TRPC5: variants seen among roughly 807,000 people sequenced by gnomAD.
The protein encoded by TRPC5 is short transient receptor potential channel 5.
In TRPC5, 9 loss-of-function variants were observed where a neutral mutation model predicts 56.5. The observed-to-expected ratio is 0.16, with a 90% CI of 0.10 to 0.28. TRPC5 has a LOEUF of 0.28. TRPC5 is among the 10% of genes least tolerant of loss of function. TRPC5 has a pLI of 1.00. For synonymous variants in TRPC5, 282 were observed against 278.5 expected, an observed-to-expected ratio of 1.01 and a Z score of -0.13; for missense variants, 469 against 748.9, an observed-to-expected ratio of 0.63 and a Z score of 4.36.
At chrX:111,810,537 G>A (rs183190843) in intron 7 of TRPC5, among the ~76,000 whole-genome samples, 1,364 of 110,855 alleles carry the variant, frequency 0.012, 13 homozygotes, top group Middle Eastern at 0.06. Flanking sequence ...ACACAACTCT[G>A]AGTTAAAAAA....
chrX:111,851,729 A>C (rs369134131), intron 5 of TRPC5, among the ~76,000 whole-genome samples: 66 of 111,411 alleles, frequency 5.9e-4, no homozygotes, highest in African/African-American at 1.5e-3. Flanking sequence ...AGAACAGTTG[A>C]GATAAATGGG....
At chrX:111,847,044 C>G (rs781173869) in intron 6 of TRPC5, 70 bp downstream of exon 6, 44 of 1,089,026 alleles carry the variant, frequency 4.0e-5, no homozygotes, top group Non-Finnish European at 5.2e-5. Context: ...GAAAACAGGA[C>G]AAAAATGGAG....
chrX:112,034,979 A>G (rs1929691026), intron 1 of TRPC5, among the ~76,000 whole-genome samples: 1 of 105,444 alleles, frequency 9.5e-6, no homozygotes, highest in African/African-American at 3.5e-5. Flanking sequence ...CTGATTAATC[A>G]TTATTAATTT....
chrX:111,866,377 C>T (rs377583544), intron 3 of TRPC5, among the ~76,000 whole-genome samples: 2 of 113,416 alleles, frequency 1.8e-5, no homozygotes, highest in East Asian at 2.8e-4. Context: ...TGATGGGGCC[C>T]GCCCCAGGCC....
chrX:112,031,704 G>A (rs1929591194), intron 1 of TRPC5, among the ~76,000 whole-genome samples: 1 of 108,704 alleles, frequency 9.2e-6, no homozygotes, highest in East Asian at 2.8e-4. Context: ...TATATCTATA[G>A]ATATAGATAA....
At chrX:111,939,635 T>C (rs748948981) in intron 2 of TRPC5, among the ~76,000 whole-genome samples, 1 of 112,137 alleles carries the variant, frequency 8.9e-6, no homozygotes, top group African/African-American at 3.2e-5. Flanking sequence ...GTAAGTTGAA[T>C]GCATCTAGAA....
chrX:112,023,089 C>G (rs1048549106), intron 1 of TRPC5, among the ~76,000 whole-genome samples: 1 of 109,722 alleles, frequency 9.1e-6, no homozygotes. Flanking sequence ...CACCCACCAC[C>G]ATGCCCGGCT....
At position 112,073,015 on chromosome X, in the gene TRPC5, C is replaced by CATT. The variant is rs750229891; in HGVS notation, c.-22+8861_-22+8863dup. On this transcript the variant is annotated intron_variant, in intron 1 of 10. Transcript: ENST00000262839. ...TAATTTATATTTTAAAATTGAATGT[C>CATT]ATTATTATATATTTCATACTTTATA... 2.3e-3 allele frequency among the ~76,000 whole-genome samples: 262 copies of CATT among 111,841 alleles called. 3 individuals are homozygous for CATT. The highest frequency in any genetic ancestry group is 2.1e-3 in the Non-Finnish European group (110 of 53,172).
At chrX:111,801,360 T>C (rs1921304699) in intron 7 of TRPC5, among the ~76,000 whole-genome samples, 1 of 112,250 alleles carries the variant, frequency 8.9e-6, no homozygotes, top group African/African-American at 3.2e-5. Flanking sequence ...TATGAGTATT[T>C]GTGTACGAGT....
At chrX:112,000,288 C>T (rs1349707989) in intron 1 of TRPC5, among the ~76,000 whole-genome samples, 1 of 111,787 alleles carries the variant, frequency 8.9e-6, no homozygotes, top group Non-Finnish European at 1.9e-5. Flanking sequence ...ATAAGCAAAT[C>T]AGGGCCCCAA....
rs1451897182 is a variant in TRPC5, at chrX:111,902,128, G to A, written c.900+10163C>T. Reference sequence around the variant, plus strand: ...ATATAGATCAGGCTATGTTAGACATGGATAACTTATATGAAGATACAGTCT... The same window carrying A: ...ATATAGATCAGGCTATGTTAGACATAGATAACTTATATGAAGATACAGTCT... On this transcript the variant is annotated intron_variant, in intron 3 of 10. Transcript: ENST00000262839. The A allele has an allele frequency of 2.6e-6, 3 of 1,151,212 alleles. No homozygotes were observed. In the South Asian group the frequency reaches 5.8e-5, roughly 22 times the overall value. 94.9% of individuals were successfully genotyped at this position (1,151,212 alleles called of 1,213,427 possible).
At chrX:111,945,216 ACTC>A (rs1453751997) in intron 2 of TRPC5, among the ~76,000 whole-genome samples, 1 of 108,433 alleles carries the variant, frequency 9.2e-6, no homozygotes, top group Non-Finnish European at 1.9e-5. Context: ...TGATAACAGT[ACTC>A]CTCTAGTGGT....
At chrX:111,791,589 C>T (rs751776742) in intron 7 of TRPC5, among the ~76,000 whole-genome samples, 18 of 112,170 alleles carry the variant, frequency 1.6e-4, no homozygotes, top group Non-Finnish European at 2.1e-4. Flanking sequence ...TCCAACATGA[C>T]CATCCAAGGG....
chrX:112,013,552 A>G (rs1445866730), intron 1 of TRPC5, among the ~76,000 whole-genome samples: 1 of 111,831 alleles, frequency 8.9e-6, no homozygotes, highest in Non-Finnish European at 1.9e-5. Flanking sequence ...TGAGGCTAAA[A>G]TGGGAAGTGC....
At chrX:111,898,471 G>C (rs1461022960) in intron 3 of TRPC5, among the ~76,000 whole-genome samples, 2 of 108,927 alleles carry the variant, frequency 1.8e-5, no homozygotes, top group Non-Finnish European at 1.9e-5. Flanking sequence ...CACATGCATG[G>C]TTGAAGCTTG....
intron 2 of TRPC5, among the ~76,000 whole-genome samples, chrX:111,944,909 G>A (rs1164879296): frequency 1.8e-5 from 2 of 111,174 alleles, no homozygotes; most frequent in African/African-American, 6.5e-5. Context: ...TGACCTGTGA[G>A]AGAAGACATT....
intron 1 of TRPC5, among the ~76,000 whole-genome samples, chrX:111,964,440 C>A (rs1311621052): frequency 4.5e-5 from 5 of 111,911 alleles, no homozygotes; most frequent in African/African-American, 1.6e-4. Flanking sequence ...TCTAGCAAGG[C>A]AGGCCAACAT....
At chrX:112,027,560 G>A (rs776588538) in intron 1 of TRPC5, among the ~76,000 whole-genome samples, 6 of 110,902 alleles carry the variant, frequency 5.4e-5, no homozygotes, top group Admixed American at 9.5e-5. Flanking sequence ...ACAGTGGCGC[G>A]ATCTTGGCTC....
At chrX:111,786,752 C>G (rs1211220648) in intron 7 of TRPC5, among the ~76,000 whole-genome samples, 1 of 110,770 alleles carries the variant, frequency 9.0e-6, no homozygotes, top group Non-Finnish European at 1.9e-5. Context: ...AAAAAAAAAG[C>G]AGGGGTTGCA....
Sources: gnomAD v4.1 joint callset for allele counts (sites outside exome capture counted in the v4.1 genomes callset) on GRCh38, gnomAD v4.1.1 for gene constraint, MANE v1.5 for transcripts, NCBI Gene and HGNC (gene_info 2026-07-23, HGNC 2026-07-21) for gene names.